The following C2CD2 variants were observed in gnomAD, a reference collection of about 807,000 sequenced individuals.
C2CD2 encodes C2 calcium dependent domain containing 2, also known as C2 domain-containing protein 2.
Under a neutral mutation model 74.3 loss-of-function variants are expected in C2CD2, and 43 were observed. That is an observed-to-expected ratio of 0.58 (90% CI 0.45 to 0.75). C2CD2 has a LOEUF of 0.75. Ranked by LOEUF, C2CD2 falls within the 30% of genes least tolerant of loss-of-function variation. C2CD2 has a pLI of 0.00. For synonymous variants in C2CD2, 422 were observed against 390.7 expected (o/e 1.08, Z -0.94); for missense variants, 801 against 916.3 (o/e 0.87, Z 1.63).
chr21:41,939,656 G>A lies in C2CD2; in HGVS notation c.378+2491C>T, dbSNP rs2065338210. Among the ~76,000 whole-genome samples, 1 of 152,222 alleles carries A rather than the reference G, an allele frequency of 6.6e-6. No homozygotes were observed. Among genetic ancestry groups the A allele is most frequent in the South Asian group, 2.1e-4 (1 of 4,830 alleles). Reference sequence around the variant, plus strand: ...GCCAGTCTCAGCATCCCGCACCGCTGCCATGGGCTTCCTCCTGCAACCCCA... The same window carrying A: ...GCCAGTCTCAGCATCCCGCACCGCTACCATGGGCTTCCTCCTGCAACCCCA... On this transcript the variant is annotated intron_variant, in intron 2 of 13. Coordinates refer to ENST00000380486, the MANE Select transcript of C2CD2 (RefSeq NM_015500.2). This position sits in a 1 kb window ranked among gnomAD's most constrained non-coding sequence, Gnocchi z 5.5.
intron 1 of C2CD2, among the ~76,000 whole-genome samples, chr21:41,947,175 G>C (rs779429004): frequency 1.4e-5 from 1 of 71,332 alleles, no homozygotes; most frequent in Non-Finnish European, 2.6e-5. Flanking sequence ...CTTCTTTTTT[G>C]AGACGGAGTT....
rs371013209 is a variant in C2CD2, at chr21:41,941,224, G to A, written c.378+923C>T. 9.2e-5 allele frequency among the ~76,000 whole-genome samples: 14 copies of A among 152,208 alleles called. No individual in the cohort carries two copies. In the South Asian group the frequency reaches 2.3e-3, roughly 25 times the overall value. ...AGAAATTAAAAAATTAGCCAGGCAC[G>A]GTGACACGTGCCTGTAGTCCCAGCT... On this transcript the variant is annotated intron_variant, in intron 2 of 13. Coordinates refer to ENST00000380486, the MANE Select transcript of C2CD2 (RefSeq NM_015500.2).
rs1186150511 is a variant in C2CD2, at chr21:41,903,796, T to A, written c.1432+1928A>T. Among the ~76,000 whole-genome samples, 1 of 151,780 alleles carries A rather than the reference T, an allele frequency of 6.6e-6. No individual in the cohort carries two copies. The highest frequency in any genetic ancestry group is 1.5e-5 in the Non-Finnish European group (1 of 67,962). On this transcript the variant is annotated intron_variant, in intron 11 of 13. Transcript: ENST00000380486. This position sits in a 1 kb window ranked among gnomAD's most constrained non-coding sequence, Gnocchi z 4.5. ...GCCTGGGGGCCGGCTCCATGGACCA[T>A]GCATCAGAACCCACAGTGGGAACAT... is the stretch of plus-strand genomic sequence containing the variant.
At chr21:41,913,003 C>A (rs972378653) in intron 6 of C2CD2, among the ~76,000 whole-genome samples, 1 of 152,198 alleles carries the variant, frequency 6.6e-6, no homozygotes, top group African/African-American at 2.4e-5. Context: ...AAGTACCTCG[C>A]CCCCTCCGTC....
chr21:41,948,068 T>G (rs2065417043), intron 1 of C2CD2, among the ~76,000 whole-genome samples: 1 of 152,266 alleles, frequency 6.6e-6, no homozygotes, highest in South Asian at 2.1e-4. Flanking sequence ...TTCCTGGGTT[T>G]GGCATTGATG....
chr21:41,926,706 C>T lies in C2CD2; in HGVS notation c.379-4621G>A, dbSNP rs2065217324. On this transcript the variant is annotated intron_variant, in intron 2 of 13. Transcript: ENST00000380486. The surrounding 1 kb of genome is among the most constrained non-coding windows in gnomAD (Gnocchi z 8.0). ...CCTGAGTCTTCAGATCTCACTGTGC[C>T]CTTTCACTTTCCTTTTCAATTAAGC... 2 of 789,378 alleles carry T rather than the reference C, an allele frequency of 2.5e-6. No homozygotes were observed. Among genetic ancestry groups the T allele is most frequent in the Non-Finnish European group, 3.1e-6 (2 of 650,886 alleles). 48.9% of individuals were successfully genotyped at this position (789,378 alleles called of 1,614,324 possible).
Position 41,945,258 on chromosome 21 carries a change from G to A in C2CD2, c.280-3013C>T, listed in dbSNP as rs568040550. ...AATCACGGTTTTTCAGATAAACACA[G>A]AGAGAAATACACAGAAATATAGACA... On this transcript the variant is annotated intron_variant, in intron 1 of 13. Transcript: ENST00000380486. The surrounding 1 kb of genome is among the most constrained non-coding windows in gnomAD (Gnocchi z 4.2). 2.1e-4 allele frequency among the ~76,000 whole-genome samples: 32 copies of A among 152,192 alleles called. 1 individual carries two copies. In the South Asian group the frequency reaches 6.2e-3, roughly 30 times the overall value.
chr21:41,906,801 G>A (rs1323270065), intron 10 of C2CD2, among the ~76,000 whole-genome samples, 191 bp downstream of exon 10: 1 of 152,212 alleles, frequency 6.6e-6, no homozygotes, highest in Admixed American at 6.5e-5. Flanking sequence ...TTTGGCAGAA[G>A]AGAAAGATAA....
chr21:41,953,855 G>C lies in C2CD2; in HGVS notation c.-207C>G. 3.4e-6 allele frequency: 1 copy of C among 291,416 alleles called. No homozygotes were observed. The highest frequency in any genetic ancestry group is 6.0e-6 in the Non-Finnish European group (1 of 165,940). 18.1% of individuals were successfully genotyped at this position (291,416 alleles called of 1,614,324 possible). On this transcript the variant is annotated 5_prime_UTR_variant, in exon 1 of 14. Coordinates refer to ENST00000380486, the MANE Select transcript of C2CD2 (RefSeq NM_015500.2). Reference sequence around the variant, plus strand: ...GCGGCGGCCGCGGCCCGGGCTGGGCGCAAGCCCCGCACACCTGCGGAACAG... The same window carrying C: ...GCGGCGGCCGCGGCCCGGGCTGGGCCCAAGCCCCGCACACCTGCGGAACAG...
In C2CD2 at chr21:41,899,341, C is replaced by T. The variant is rs1191631442; in HGVS notation, c.1582G>A (p.Asp528Asn). 2 of 1,607,116 alleles carry T rather than the reference C, an allele frequency of 1.2e-6. No homozygotes were observed. Among genetic ancestry groups the T allele is most frequent in the South Asian group, 1.1e-5 (1 of 91,030 alleles). ...ISKTSLSQDH[D>N]AALMQGYTAS... ...GTGTAGCCCTGCATCAGGGCAGCGT[C>T]GTGGTCCTGAGATAGTGAGGTCTGT... Residue 528 changes from aspartate (D) to asparagine (N), a missense_variant, in exon 13 of 14, where the codon GAC becomes AAC. Physicochemically the swap from Asp to Asn is conservative, Grantham distance 23. Coordinates refer to ENST00000380486, the MANE Select transcript of C2CD2 (RefSeq NM_015500.2). The surrounding 1 kb of genome is among the most constrained non-coding windows in gnomAD (Gnocchi z 4.4).
intron 2 of C2CD2, among the ~76,000 whole-genome samples, chr21:41,927,095 A>G (rs1024278775): frequency 6.6e-6 from 1 of 152,364 alleles, no homozygotes; most frequent in African/African-American, 2.4e-5. Flanking sequence ...TTAGAGCTAA[A>G]GATTATCCCA....
intron 7 of C2CD2, among the ~76,000 whole-genome samples, chr21:41,911,651 G>A (rs1299369868): frequency 1.3e-5 from 2 of 151,078 alleles, no homozygotes; most frequent in African/African-American, 2.4e-5. Flanking sequence ...GCCTCCCAAA[G>A]TACTGGGATT....
At chr21:41,921,672 A>G (rs12151961) in intron 3 of C2CD2, among the ~76,000 whole-genome samples, 4,613 of 152,262 alleles carry the variant, frequency 0.03, 115 homozygotes, top group South Asian at 0.12. Context: ...CTCAGATGCC[A>G]CCTGCCTTAT....
intron 10 of C2CD2, among the ~76,000 whole-genome samples, 153 bp from the exon 11 acceptor site, chr21:41,905,990 C>A (rs2064958201): frequency 6.6e-6 from 1 of 152,122 alleles, no homozygotes; most frequent in South Asian, 2.1e-4. Context: ...GGAGGAGGGG[C>A]AAGAGTGGTG....
Position 41,921,969 on chromosome 21 carries a change from T to C in C2CD2, c.492+3A>G, listed in dbSNP as rs2065158849. The stretch of plus-strand genomic sequence containing the variant: ...ATAACTTGCAAAGTCTACACATCTT[T>C]ACCTGTAAATGGAAAGGGGAGAGCC... On this transcript the variant is annotated splice_donor_region_variant and intron_variant, in intron 3 of 13. Coordinates refer to ENST00000380486, the MANE Select transcript of C2CD2 (RefSeq NM_015500.2). 1.3e-6 allele frequency: 2 copies of C among 1,597,462 alleles called. No homozygotes were observed. Among genetic ancestry groups the C allele is most frequent in the East Asian group, 2.2e-5 (1 of 44,796 alleles).
chr21:41,899,026 C>G lies in C2CD2; in HGVS notation c.1870+27G>C. On this transcript the variant is annotated intron_variant, in intron 13 of 13. Coordinates refer to ENST00000380486, the MANE Select transcript of C2CD2 (RefSeq NM_015500.2). The surrounding 1 kb of genome is among the most constrained non-coding windows in gnomAD (Gnocchi z 4.4). ...GCGCAAAGCCACCAAGTGGGGGGCC[C>G]GGGATGGGGGGCTCGGGAGCAGGTA... The G allele has an allele frequency of 6.3e-7, 1 of 1,587,288 alleles. No homozygotes were observed. Among genetic ancestry groups the G allele is most frequent in the Non-Finnish European group, 8.6e-7 (1 of 1,160,412 alleles).
chr21:41,934,414 G>C (rs1405992721), intron 2 of C2CD2, among the ~76,000 whole-genome samples: 3 of 152,142 alleles, frequency 2.0e-5, no homozygotes, highest in Non-Finnish European at 4.4e-5. Context: ...AGGCGACAGA[G>C]TGAAACCCTG....
chr21:41,912,413 T>G lies in C2CD2; in HGVS notation c.872A>C (p.Gln291Pro). Residue 291 changes from glutamine to proline, a missense_variant, in exon 7 of 14, where the codon CAG becomes CCG. Physicochemically the swap from Gln to Pro is moderately conservative, Grantham distance 76. Coordinates refer to ENST00000380486, the MANE Select transcript of C2CD2 (RefSeq NM_015500.2). ...GAACCTCTGAACAGGATCGTTCAGCTGCACGACGCACACTGCATTAATGTG... is the reference window on the plus strand; with the variant it reads ...GAACCTCTGAACAGGATCGTTCAGCGGCACGACGCACACTGCATTAATGTG... The part of the protein sequence containing the change: ...SGHINAVCVV[Q>P]LNDPVQRFSS... 3 of 1,612,438 alleles carry G rather than the reference T, an allele frequency of 1.9e-6. No homozygotes were observed. Among genetic ancestry groups the G allele is most frequent in the Non-Finnish European group, 2.5e-6 (3 of 1,179,524 alleles).
intron 12 of C2CD2, among the ~76,000 whole-genome samples, chr21:41,900,041 CTGACT>C (rs982676060): frequency 5.3e-5 from 8 of 152,142 alleles, no homozygotes; most frequent in Middle Eastern, 3.4e-3. Flanking sequence ...CTGTGCTGTT[CTGACT>C]TAAGTGCCAG....
Sources: gnomAD v4.1 joint callset for allele counts (sites outside exome capture counted in the v4.1 genomes callset) on GRCh38, gnomAD v4.1.1 for gene constraint, Gnocchi (gnomAD v3.1) non-coding constraint, MANE v1.5 for transcripts, NCBI Gene and HGNC (gene_info 2026-07-23, HGNC 2026-07-21) for gene names.